The following DLG2 variants were observed in gnomAD, a reference collection of about 807,000 sequenced individuals.
The protein encoded by DLG2 is disks large homolog 2.
Under a neutral mutation model 132.5 loss-of-function variants are expected in DLG2, and 45 were observed. That is an observed-to-expected ratio of 0.34 (90% CI 0.27 to 0.44). DLG2 has a LOEUF of 0.44. Among genes scored for constraint, DLG2 ranks in the 20% least tolerant of loss-of-function variants. DLG2 has a pLI of 1.00. For missense variants in DLG2, 1,045 were observed against 1,196.9 expected, an observed-to-expected ratio of 0.87 and a Z score of 1.87; for synonymous variants, 424 against 419.6, an observed-to-expected ratio of 1.01 and a Z score of -0.13.
intron 6 of DLG2, among the ~76,000 whole-genome samples, chr11:84,575,618 A>G (rs2099497869): frequency 6.6e-6 from 1 of 152,246 alleles, no homozygotes; most frequent in Admixed American, 6.5e-5. Context: ...CATGCAATGC[A>G]TAATAATCAC....
At chr11:83,629,401 A>G (rs1471306856) in intron 19 of DLG2, among the ~76,000 whole-genome samples, 2 of 152,298 alleles carry the variant, frequency 1.3e-5, no homozygotes, top group Middle Eastern at 3.4e-3. Context: ...ACAAGTGAAC[A>G]GGGCTGAGTT....
chr11:83,769,320 A>G (rs1338031413), intron 18 of DLG2, among the ~76,000 whole-genome samples: 1 of 152,174 alleles, frequency 6.6e-6, no homozygotes, highest in Non-Finnish European at 1.5e-5. Context: ...TCAAATTTTT[A>G]TTGATCAATT....
At chr11:83,726,273 CA>C (rs1223733263) in intron 18 of DLG2, among the ~76,000 whole-genome samples, 1 of 152,082 alleles carries the variant, frequency 6.6e-6, no homozygotes, top group Non-Finnish European at 1.5e-5. Flanking sequence ...CTAATCTTGA[CA>C]AAGGGCTTCC....
At chr11:85,372,551 G>A (rs1375940872) in intron 3 of DLG2, among the ~76,000 whole-genome samples, 1 of 152,216 alleles carries the variant, frequency 6.6e-6, no homozygotes, top group African/African-American at 2.4e-5. Context: ...ACACAGTGCA[G>A]GTGAGCGTGG....
At chr11:83,718,649 C>T (rs552823348) in intron 18 of DLG2, among the ~76,000 whole-genome samples, 3 of 150,566 alleles carry the variant, frequency 2.0e-5, no homozygotes, top group South Asian at 4.2e-4. Context: ...CTTATTTTAG[C>T]GAGGTAAGTA....
intron 3 of DLG2, among the ~76,000 whole-genome samples, chr11:85,496,288 T>C (rs902431756): frequency 3.3e-5 from 5 of 152,194 alleles, no homozygotes; most frequent in African/African-American, 9.6e-5. Flanking sequence ...CCATGGAGCA[T>C]TGCTCACTGC....
intron 21 of DLG2, among the ~76,000 whole-genome samples, chr11:83,512,304 G>T (rs1350421624): frequency 6.6e-6 from 1 of 152,152 alleles, no homozygotes; most frequent in Admixed American, 6.5e-5. Context: ...GGAGCTCAGA[G>T]AAATGGTGGG....
chr11:83,704,836 A>T (rs1224043583), intron 18 of DLG2, among the ~76,000 whole-genome samples: 1 of 152,098 alleles, frequency 6.6e-6, no homozygotes, highest in African/African-American at 2.4e-5. Context: ...CAAAAATAAA[A>T]TAAAGATATA....
rs115429220 is a variant in DLG2 at position 85,203,331 on chromosome 11, G to A, written c.187-48680C>T. On this transcript the variant is annotated intron_variant, in intron 4 of 27. Coordinates refer to ENST00000376104, the MANE Select transcript of DLG2 (RefSeq NM_001142699.3). ...GAAGAGCCATATAAACAAAATGAGAGAAGAGCCATATAAACAAAATTAGAG... is the reference window on the plus strand; with the variant it reads ...GAAGAGCCATATAAACAAAATGAGAAAAGAGCCATATAAACAAAATTAGAG... Among the ~76,000 whole-genome samples, 119 of 151,806 alleles carry A rather than the reference G, an allele frequency of 7.8e-4. 1 individual carries two copies. The highest frequency in any genetic ancestry group is 2.8e-3 in the African/African-American group (116 of 41,480).
At chr11:85,078,265 G>C (rs2066802664) in intron 6 of DLG2, among the ~76,000 whole-genome samples, 1 of 150,754 alleles carries the variant, frequency 6.6e-6, no homozygotes, top group Admixed American at 6.7e-5. Context: ...CAGGCAGTGT[G>C]TGTGGACTAG....
intron 7 of DLG2, among the ~76,000 whole-genome samples, chr11:84,307,714 A>AAAG: frequency 6.8e-6 from 1 of 147,146 alleles, no homozygotes; most frequent in African/African-American, 2.5e-5. Flanking sequence ...AAAAAAAAAA[A>AAAG]AAGAAGCCGC....
chr11:84,151,885 T>A (rs1409188861), intron 9 of DLG2, among the ~76,000 whole-genome samples: 1 of 152,248 alleles, frequency 6.6e-6, no homozygotes, highest in Admixed American at 6.5e-5. Context: ...ATTTCTATTT[T>A]TATTGCACTG....
chr11:84,631,801 A>G (rs2099632658), intron 6 of DLG2, among the ~76,000 whole-genome samples: 1 of 152,198 alleles, frequency 6.6e-6, no homozygotes, highest in Non-Finnish European at 1.5e-5. Context: ...AGTAGAAAAA[A>G]TGATGGATTT....
intron 7 of DLG2, among the ~76,000 whole-genome samples, chr11:84,408,563 T>C (rs2098873954): frequency 6.6e-6 from 1 of 152,144 alleles, no homozygotes; most frequent in South Asian, 2.1e-4. Context: ...GGGTTATGGC[T>C]ATGTGCACAA....
chr11:83,630,924 T>C (rs1351270476), intron 19 of DLG2, among the ~76,000 whole-genome samples: 2 of 152,138 alleles, frequency 1.3e-5, no homozygotes, highest in Non-Finnish European at 2.9e-5. Context: ...ATTCTCAGAT[T>C]TGAGACATGA....
chr11:85,105,908 T>C (rs533875879), intron 6 of DLG2, among the ~76,000 whole-genome samples: 2 of 151,636 alleles, frequency 1.3e-5, no homozygotes, highest in Middle Eastern at 3.4e-3. Context: ...AGTGCCATGG[T>C]CTGTGTATTT....
intron 5 of DLG2, among the ~76,000 whole-genome samples, chr11:85,151,425 T>C (rs2077242579): frequency 6.6e-6 from 1 of 152,052 alleles, no homozygotes; most frequent in African/African-American, 2.4e-5. Flanking sequence ...TCTGGTGTCA[T>C]ATTCAAGAAA....
chr11:84,491,226 G>C (rs2154496924), intron 7 of DLG2, among the ~76,000 whole-genome samples: 1 of 152,186 alleles, frequency 6.6e-6, no homozygotes, highest in Admixed American at 6.5e-5. Flanking sequence ...GACGGACCTG[G>C]TGGGAGATAA....
At chr11:84,454,232 G>A (rs1408402041) in intron 7 of DLG2, among the ~76,000 whole-genome samples, 2 of 151,448 alleles carry the variant, frequency 1.3e-5, no homozygotes, top group African/African-American at 4.8e-5. Flanking sequence ...AAGGTACAAA[G>A]GAAGGAGGAA....
Sources: gnomAD v4.1 joint callset for allele counts (sites outside exome capture counted in the v4.1 genomes callset) on GRCh38, gnomAD v4.1.1 for gene constraint, MANE v1.5 for transcripts, NCBI Gene and HGNC (gene_info 2026-07-23, HGNC 2026-07-21) for gene names.